AOAH: variants seen among roughly 807,000 people sequenced by gnomAD.
The protein encoded by AOAH is acyloxyacyl hydrolase (neutrophil).
AOAH carries 64 observed loss-of-function variants against 92.2 expected under a neutral mutation model. The observed-to-expected ratio is 0.69, with a 90% confidence interval of 0.57 to 0.86. The LOEUF is 0.86. Ranked by LOEUF, AOAH falls within the 40% of genes least tolerant of loss-of-function variation. AOAH has a pLI of 0.00. For synonymous variants in AOAH, 263 were observed against 254.5 expected, an observed-to-expected ratio of 1.03 and a Z score of -0.32; for missense variants, 656 against 694.6, an observed-to-expected ratio of 0.94 and a Z score of 0.62.
chr7:36,643,820 C>A lies in AOAH; in HGVS notation c.391-5910G>T, dbSNP rs567876888. On this transcript the variant is annotated intron_variant, in intron 4 of 20. Transcript: ENST00000617537. ...TCTGGTTGTTTAAAAGGGTGTAGGA[C>A]TCCCTTTGCTCTCTCTTCCTCCTGC... Among the ~76,000 whole-genome samples the A allele has an allele frequency of 1.1e-4, 17 of 152,218 alleles. No homozygotes were observed. The South Asian group carries it at 1.7e-3, about 15-fold the overall frequency.
intron 3 of AOAH, among the ~76,000 whole-genome samples, chr7:36,673,362 AC>A (rs1404242584): frequency 6.6e-6 from 1 of 151,742 alleles, no homozygotes; most frequent in African/African-American, 2.4e-5. Context: ...ACATGGTGAA[AC>A]CCCATCTCTA....
At chr7:36,712,797 C>A (rs1389654567) in intron 1 of AOAH, among the ~76,000 whole-genome samples, 7 of 152,124 alleles carry the variant, frequency 4.6e-5, no homozygotes, top group African/African-American at 1.7e-4. Flanking sequence ...ATTTCGTCAC[C>A]ACCAGGCCTG....
chr7:36,701,827 T>A (rs1798054092), intron 1 of AOAH, among the ~76,000 whole-genome samples: 1 of 152,022 alleles, frequency 6.6e-6, no homozygotes. Context: ...TTTTTGGACA[T>A]CTTGGGTTGC....
intron 20 of AOAH, among the ~76,000 whole-genome samples, chr7:36,519,448 G>T (rs1783996639): frequency 6.6e-6 from 1 of 151,932 alleles, no homozygotes; most frequent in Non-Finnish European, 1.5e-5. Context: ...TTGTTTTTTT[G>T]AGATGGAGTT....
chr7:36,660,923 CTATAAG>C (rs1455358143), intron 3 of AOAH: 1 of 152,152 alleles, frequency 6.6e-6, no homozygotes, highest in East Asian at 1.9e-4. Flanking sequence ...TTATATACTT[CTATAAG>C]TATAAACTCT....
chr7:36,535,086 C>T (rs1185729317), intron 16 of AOAH, among the ~76,000 whole-genome samples: 1 of 97,174 alleles, frequency 1.0e-5, no homozygotes, highest in African/African-American at 3.3e-5. Flanking sequence ...GTCTGTGTCT[C>T]TGTGTGTGTG....
At chr7:36,525,392 A>T (rs1343486829) in intron 19 of AOAH, among the ~76,000 whole-genome samples, 1 of 152,242 alleles carries the variant, frequency 6.6e-6, no homozygotes, top group Admixed American at 6.5e-5. Context: ...TTGCTTATAC[A>T]TGAGTTTCTT....
intron 20 of AOAH, among the ~76,000 whole-genome samples, chr7:36,517,133 C>T (rs970787527): frequency 6.8e-6 from 1 of 147,204 alleles, no homozygotes; most frequent in Non-Finnish European, 1.5e-5. Flanking sequence ...CACAGCTACC[C>T]TTTCCTCTCT....
chr7:36,657,149 C>T lies in AOAH; in HGVS notation c.390+2017G>A, dbSNP rs147329446. Reference sequence around the variant, plus strand: ...AAAAGTTAAAAGGAAACACACATTTCGACATCAGTTGTTTCTGGTGGTAGG... The same window carrying T: ...AAAAGTTAAAAGGAAACACACATTTTGACATCAGTTGTTTCTGGTGGTAGG... On this transcript the variant is annotated intron_variant, in intron 4 of 20. Coordinates refer to ENST00000617537, the MANE Select transcript of AOAH (RefSeq NM_001637.4). 1.7e-3 allele frequency among the ~76,000 whole-genome samples: 261 copies of T among 152,238 alleles called. 3 individuals are homozygous for T. Among genetic ancestry groups the T allele is most frequent in the African/African-American group, 6.1e-3 (252 of 41,538 alleles).
At chr7:36,564,001 T>C (rs547314939) in intron 13 of AOAH, among the ~76,000 whole-genome samples, 1 of 152,270 alleles carries the variant, frequency 6.6e-6, no homozygotes, top group African/African-American at 2.4e-5. Flanking sequence ...AAACATAGAT[T>C]TTTAAAAGGA....
chr7:36,653,994 C>T (rs1383883668), intron 4 of AOAH, among the ~76,000 whole-genome samples: 1 of 152,152 alleles, frequency 6.6e-6, no homozygotes, highest in Non-Finnish European at 1.5e-5. Flanking sequence ...CCACTGGATA[C>T]ACACGAATAA....
chr7:36,626,199 A>G (rs1483392001), intron 6 of AOAH, among the ~76,000 whole-genome samples: 1 of 152,206 alleles, frequency 6.6e-6, no homozygotes, highest in Non-Finnish European at 1.5e-5. Flanking sequence ...AGAGAGAAAG[A>G]GACAGAAATG....
intron 19 of AOAH, among the ~76,000 whole-genome samples, chr7:36,526,698 C>T (rs1784411537): frequency 6.6e-6 from 1 of 152,150 alleles, no homozygotes; most frequent in South Asian, 2.1e-4. Flanking sequence ...TTTTCTTCTT[C>T]TTTAATGTAG....
chr7:36,569,623 T>TATC (rs1562578761), intron 13 of AOAH, among the ~76,000 whole-genome samples: 10 of 140,008 alleles, frequency 7.1e-5, no homozygotes, highest in African/African-American at 1.6e-4. Context: ...ATCTATCTAT[T>TATC]TTTTAGATGG....
At chr7:36,673,016 A>ACTTGGG (rs1796021359) in intron 3 of AOAH, among the ~76,000 whole-genome samples, 1 of 152,182 alleles carries the variant, frequency 6.6e-6, no homozygotes, top group African/African-American at 2.4e-5. Flanking sequence ...GATGATGCTC[A>ACTTGGG]CTTGGGTGGG....
chr7:36,676,437 AT>A (rs2116681006), intron 2 of AOAH, among the ~76,000 whole-genome samples: 1 of 152,330 alleles, frequency 6.6e-6, no homozygotes, highest in African/African-American at 2.4e-5. Context: ...TGAAAACTAC[AT>A]TGTTAAAAGA....
Position 36,582,850 on chromosome 7 carries a change from C to CTT in AOAH, c.939-6196_939-6195dup, listed in dbSNP as rs35810774. The stretch of plus-strand genomic sequence containing the variant: ...TCTGATGAAATTTCTTAGTCAGTGT[C>CTT]TTTTTTTTTTTTGAGACAGAGTCTC... On this transcript the variant is annotated intron_variant, in intron 12 of 20. Coordinates refer to ENST00000617537, the MANE Select transcript of AOAH (RefSeq NM_001637.4). 1.8e-3 allele frequency among the ~76,000 whole-genome samples: 271 copies of CTT among 146,664 alleles called. No individual in the cohort carries two copies. In the Middle Eastern group the frequency reaches 0.028, roughly 15 times the overall value.
chr7:36,609,986 GA>G (rs2115846154), intron 11 of AOAH, among the ~76,000 whole-genome samples: 1 of 152,138 alleles, frequency 6.6e-6, no homozygotes, highest in Admixed American at 6.5e-5. Flanking sequence ...ATGGAAACAC[GA>G]GGTGTCTGAG....
chr7:36,548,022 A>G (rs1785918455), intron 15 of AOAH, among the ~76,000 whole-genome samples: 1 of 152,128 alleles, frequency 6.6e-6, no homozygotes, highest in African/African-American at 2.4e-5. Flanking sequence ...AAAAATCACA[A>G]TTCCCAATCT....
Sources: gnomAD v4.1 joint callset for allele counts (sites outside exome capture counted in the v4.1 genomes callset) on GRCh38, gnomAD v4.1.1 for gene constraint, MANE v1.5 for transcripts, NCBI Gene and HGNC (gene_info 2026-07-23, HGNC 2026-07-21) for gene names.